The following MKNK1 variants were observed in gnomAD, a reference collection of about 807,000 sequenced individuals.
The protein encoded by MKNK1 is MAP kinase-interacting serine/threonine-protein kinase 1.
A neutral mutation model predicts 49.3 loss-of-function variants in MKNK1; 30 were observed. That is an observed-to-expected ratio of 0.61 (90% CI 0.46 to 0.83). The LOEUF is 0.83. Among genes scored for constraint, MKNK1 ranks in the 40% least tolerant of loss-of-function variants. The pLI is 0.00. For synonymous variants in MKNK1, 176 were observed against 201.7 expected (o/e 0.87, Z 1.08); for missense variants, 423 against 524.7 (o/e 0.81, Z 1.89).
At position 46,558,623 on chromosome 1, in the gene MKNK1, C is replaced by T; in HGVS notation, c.1191G>A (p.Leu397=). The change falls in exon 13 of 13, where the codon CTG becomes CTA. Residue 397 remains leucine (L), a synonymous_variant. Transcript: ENST00000371945. ...TGTCTTCACCACGGCCTGCCTGGGCCAGGGCCCGTCTCCGGGCCAGGCGTG... is the reference window on the plus strand; with the variant it reads ...TGTCTTCACCACGGCCTGCCTGGGCTAGGGCCCGTCTCCGGGCCAGGCGTG... ...CKSRLARRRA[L]AQAGRGEDRS... 3.1e-6 allele frequency: 5 copies of T among 1,613,950 alleles called. No individual in the cohort carries two copies. Among genetic ancestry groups the T allele is most frequent in the Non-Finnish European group, 4.2e-6 (5 of 1,179,950 alleles).
chr1:46,562,395 C>CAAAAAA (rs66491559), intron 10 of MKNK1, among the ~76,000 whole-genome samples: 13 of 34,346 alleles, frequency 3.8e-4, no homozygotes, highest in Admixed American at 2.4e-3. Context: ...GACTCCATCT[C>CAAAAAA]AAAAAAAAAA....
Position 46,557,822 on chromosome 1 carries a change from C to G in MKNK1, c.*753G>C, listed in dbSNP as rs1569952322. On this transcript the variant is annotated 3_prime_UTR_variant, in exon 13 of 13. Coordinates refer to ENST00000371945, the MANE Select transcript of MKNK1 (RefSeq NM_001135553.4). ...AAGCCGTTCCACTCTCTGGGAAGTT[C>G]ATGGGCTTGCAGTGGGAGTTTAAGG... The G allele has an allele frequency of 1.3e-5, 2 of 152,218 alleles. No homozygotes were observed. Among genetic ancestry groups the G allele is most frequent in the African/African-American group, 4.8e-5 (2 of 41,440 alleles). The allele number at this position is 152,218 out of a possible 1,614,324, so 9.4% of individuals were successfully genotyped here.
chr1:46,582,529 T>C (rs1671894962), intron 3 of MKNK1, among the ~76,000 whole-genome samples: 1 of 152,210 alleles, frequency 6.6e-6, no homozygotes, highest in Admixed American at 6.5e-5. Flanking sequence ...GCGAAGCTAC[T>C]TCAGACCTCA....
chr1:46,559,938 G>A (rs1667641271), intron 12 of MKNK1: 1 of 517,088 alleles, frequency 1.9e-6, no homozygotes, highest in African/African-American at 1.9e-5. Context: ...CCATGGGTAA[G>A]GTCTGTCTTT....
At position 46,572,068 on chromosome 1, in the gene MKNK1, G is replaced by A. The variant is rs764104894; in HGVS notation, c.452C>T (p.Thr151Ile). The A allele has an allele frequency of 4.3e-6, 7 of 1,613,890 alleles. No individual in the cohort carries two copies. The South Asian group carries it at 5.5e-5, about 13-fold the overall frequency. Reference sequence around the variant, plus strand: ...AAGGCAAAGGCTGGGTTCACCTTTGGTATGCAGGAAGTCAAGGGCAGCAGC... The same window carrying A: ...AAGGCAAAGGCTGGGTTCACCTTTGATATGCAGGAAGTCAAGGGCAGCAGC... ...DVAAALDFLH[T>I]KGIAHRDLKP... Residue 151 changes from threonine (T) to isoleucine (I), a missense_variant, in exon 7 of 13, where the codon ACC (threonine) becomes ATC (isoleucine). Transcript: ENST00000371945.
chr1:46,571,162 G>A (rs1293197925), intron 7 of MKNK1, among the ~76,000 whole-genome samples: 28 of 152,194 alleles, frequency 1.8e-4, no homozygotes, highest in Admixed American at 1.8e-3. Flanking sequence ...CATAGGAAAG[G>A]GGCTGTAACC....
intron 4 of MKNK1, among the ~76,000 whole-genome samples, chr1:46,578,443 G>A (rs1158796796): frequency 6.6e-6 from 1 of 152,134 alleles, no homozygotes; most frequent in Non-Finnish European, 1.5e-5. Flanking sequence ...CCTCAAAGAT[G>A]CCAGGGGGGA....
chr1:46,597,294 T>C (rs1401605234), intron 1 of MKNK1, among the ~76,000 whole-genome samples: 5 of 132,004 alleles, frequency 3.8e-5, no homozygotes, highest in African/African-American at 1.6e-4. Flanking sequence ...TACAGACGTT[T>C]TAGAGCAAAA....
chr1:46,577,525 A>G (rs989071666), intron 4 of MKNK1, among the ~76,000 whole-genome samples: 3 of 152,194 alleles, frequency 2.0e-5, no homozygotes, highest in Admixed American at 1.3e-4. Context: ...TAATTTATTT[A>G]CATAATCTCA....
At chr1:46,570,988 G>A (rs1183133938) in intron 7 of MKNK1, among the ~76,000 whole-genome samples, 1 of 152,186 alleles carries the variant, frequency 6.6e-6, no homozygotes, top group Non-Finnish European at 1.5e-5. Flanking sequence ...ATTACTGAGA[G>A]AACACATAGC....
chr1:46,576,782 G>C, intron 4 of MKNK1, 128 bp from the exon 5 acceptor site: 1 of 803,196 alleles, frequency 1.2e-6, no homozygotes, highest in Admixed American at 1.9e-5. Context: ...GTCTGGCCTA[G>C]GCCTTGGTGA....
chr1:46,584,414 C>T (rs372931644), intron 2 of MKNK1: 1 of 151,992 alleles, frequency 6.6e-6, no homozygotes, highest in Admixed American at 6.6e-5. Flanking sequence ...TAGAGGCACT[C>T]GAGTGCTGAT....
intron 4 of MKNK1, 50 bp from the exon 5 acceptor site, chr1:46,576,704 G>A: frequency 6.6e-7 from 1 of 1,519,148 alleles, no homozygotes; most frequent in Non-Finnish European, 9.1e-7. Context: ...CTTCCAAACA[G>A]CCCTTTGGCA....
intron 7 of MKNK1, among the ~76,000 whole-genome samples, chr1:46,570,463 G>A (rs1557844351): frequency 6.6e-6 from 1 of 152,176 alleles, no homozygotes; most frequent in Non-Finnish European, 1.5e-5. Context: ...GCCCCAACAT[G>A]GGCACTGTCA....
intron 6 of MKNK1, chr1:46,572,382 T>G (rs1339030369): frequency 5.0e-6 from 2 of 398,676 alleles, no homozygotes; most frequent in African/African-American, 4.1e-5. Flanking sequence ...CCAGCTAATT[T>G]TTGTACTTTT....
chr1:46,563,102 C>T lies in MKNK1; in HGVS notation c.610-259G>A, dbSNP rs114755664. ...CAGTTCCTCCTCCAGTAGGCAAAGA[C>T]CCTTGGCCAAGAAGTTCCAGGAATC... is the stretch of plus-strand genomic sequence containing the variant. On this transcript the variant is annotated intron_variant, in intron 9 of 12. Coordinates refer to ENST00000371945, the MANE Select transcript of MKNK1 (RefSeq NM_001135553.4). 4.3e-3 allele frequency: 1,818 copies of T among 421,158 alleles called. 4 individuals are homozygous for T. Among genetic ancestry groups the T allele is most frequent in the Non-Finnish European group, 4.2e-3 (1,015 of 240,342 alleles). 26.1% of individuals were successfully genotyped at this position (421,158 alleles called of 1,614,324 possible). A position where few individuals can be genotyped will look rare whatever the true frequency, so the allele number is the denominator to read the frequency against.
chr1:46,586,204 C>T (rs1672544104), intron 2 of MKNK1: 2 of 315,348 alleles, frequency 6.3e-6, no homozygotes, highest in South Asian at 5.4e-5. Context: ...GGGAGTGGGA[C>T]CCCCGCAGTA....
At chr1:46,566,115 A>G (rs1032557872) in intron 8 of MKNK1, among the ~76,000 whole-genome samples, 1 of 152,236 alleles carries the variant, frequency 6.6e-6, no homozygotes, top group Non-Finnish European at 1.5e-5. Flanking sequence ...CAGAAACTCT[A>G]TACGCATTAA....
intron 1 of MKNK1, among the ~76,000 whole-genome samples, chr1:46,602,115 G>C (rs1674807790): frequency 6.6e-6 from 1 of 152,182 alleles, no homozygotes; most frequent in Non-Finnish European, 1.5e-5. Context: ...GGGAGTGTTT[G>C]AGAAACAGAG....
Sources: allele counts gnomAD v4.1 joint callset (sites outside exome capture counted in the v4.1 genomes callset), GRCh38; gene constraint gnomAD v4.1.1; transcripts MANE v1.5; gene names NCBI Gene and HGNC (gene_info 2026-07-23, HGNC 2026-07-21).